The following CAMKMT variants were observed in gnomAD, a reference collection of about 807,000 sequenced individuals.
CAMKMT encodes calmodulin-lysine N-methyltransferase, also known as CaM KMT.
Under a neutral mutation model 48.0 loss-of-function variants are expected in CAMKMT, and 53 were observed. That is an observed-to-expected ratio of 1.10 (90% confidence interval 0.89 to 1.39). The LOEUF (loss-of-function observed/expected upper bound fraction) is 1.39. Ranked by LOEUF, CAMKMT falls within the 40% of genes most tolerant of loss-of-function variation. The pLI is 0.00. For synonymous variants in CAMKMT, 165 were observed against 152.3 expected, an observed-to-expected ratio of 1.08 and a Z score of -0.61; for missense variants, 428 against 402.7, an observed-to-expected ratio of 1.06 and a Z score of -0.54.
At chr2:44,749,375 AAC>A (rs1680059411) in intron 8 of CAMKMT, among the ~76,000 whole-genome samples, 1 of 152,170 alleles carries the variant, frequency 6.6e-6, no homozygotes, top group African/African-American at 2.4e-5. Context: ...CATTGAAACT[AAC>A]ACCCTACATA....
At chr2:44,754,429 T>G (rs1680282625) in intron 9 of CAMKMT, among the ~76,000 whole-genome samples, 1 of 152,238 alleles carries the variant, frequency 6.6e-6, no homozygotes, top group African/African-American at 2.4e-5. Flanking sequence ...TATCTTCATA[T>G]TAAAGTTGAA....
intron 3 of CAMKMT, among the ~76,000 whole-genome samples, chr2:44,612,123 C>A (rs766667641): frequency 3.3e-5 from 5 of 152,028 alleles, no homozygotes; most frequent in African/African-American, 4.8e-5. Context: ...ATTTTAAAAG[C>A]CTTTTACTTA....
At chr2:44,418,311 A>T (rs1471617691) in intron 3 of CAMKMT, among the ~76,000 whole-genome samples, 2 of 147,534 alleles carry the variant, frequency 1.4e-5, no homozygotes, top group South Asian at 2.1e-4. Context: ...AAATCTATGA[A>T]TTTTTTTTTT....
chr2:44,395,441 ATATT>A (rs747662621), intron 3 of CAMKMT, among the ~76,000 whole-genome samples: 46 of 152,144 alleles, frequency 3.0e-4, no homozygotes, highest in Non-Finnish European at 6.0e-4. Flanking sequence ...TTGTATATCT[ATATT>A]TATATACAGA....
intron 3 of CAMKMT, among the ~76,000 whole-genome samples, chr2:44,623,841 G>C (rs973601240): frequency 3.3e-5 from 5 of 152,034 alleles, no homozygotes; most frequent in Admixed American, 1.3e-4. Flanking sequence ...TCCATGTATT[G>C]TCACTATAGT....
At chr2:44,485,160 G>GA (rs1669155645) in intron 3 of CAMKMT, among the ~76,000 whole-genome samples, 1 of 152,164 alleles carries the variant, frequency 6.6e-6, no homozygotes, top group Admixed American at 6.5e-5. Flanking sequence ...TGTTAAAGCT[G>GA]AAAGTATATG....
At chr2:44,571,392 G>A (rs951123219) in intron 3 of CAMKMT, among the ~76,000 whole-genome samples, 3 of 152,098 alleles carry the variant, frequency 2.0e-5, no homozygotes, top group Non-Finnish European at 4.4e-5. Flanking sequence ...TTTTATTAAG[G>A]TTTTAATATG....
At chr2:44,477,440 T>A (rs533467943) in intron 3 of CAMKMT, among the ~76,000 whole-genome samples, 87 of 152,312 alleles carry the variant, frequency 5.7e-4, no homozygotes, top group Admixed American at 4.7e-3. Context: ...TAAACCATAT[T>A]TCCCCACCCT....
At chr2:44,496,156 T>A (rs980728728) in intron 3 of CAMKMT, among the ~76,000 whole-genome samples, 1 of 152,236 alleles carries the variant, frequency 6.6e-6, no homozygotes, top group Non-Finnish European at 1.5e-5. Context: ...CTGTCCTTTA[T>A]ATTGACCAAT....
chr2:44,572,893 T>G (rs1322994264), intron 3 of CAMKMT, among the ~76,000 whole-genome samples: 1 of 152,194 alleles, frequency 6.6e-6, no homozygotes, highest in African/African-American at 2.4e-5. Context: ...CGTTTTACAT[T>G]CCCACCAGCA....
intron 3 of CAMKMT, among the ~76,000 whole-genome samples, chr2:44,703,276 C>A (rs922300334): frequency 6.6e-6 from 1 of 152,046 alleles, no homozygotes; most frequent in African/African-American, 2.4e-5. Flanking sequence ...CTACAATTTC[C>A]AAGCATGTTT....
chr2:44,392,975 A>G (rs1392185806), intron 3 of CAMKMT, among the ~76,000 whole-genome samples: 1 of 152,124 alleles, frequency 6.6e-6, no homozygotes, highest in African/African-American at 2.4e-5. Context: ...GCTTCCTAGT[A>G]ATAGAAAAAA....
chr2:44,528,571 C>G (rs1053543030), intron 3 of CAMKMT, among the ~76,000 whole-genome samples: 18 of 152,136 alleles, frequency 1.2e-4, no homozygotes, highest in African/African-American at 4.3e-4. Context: ...TTAATACCAC[C>G]AGATTGGTAA....
At chr2:44,761,915 G>A (rs555054583) in intron 9 of CAMKMT, among the ~76,000 whole-genome samples, 2 of 152,338 alleles carry the variant, frequency 1.3e-5, no homozygotes, top group South Asian at 4.1e-4. Flanking sequence ...CACATGCAGA[G>A]ATGTAGTAGG....
chr2:44,456,690 C>T (rs1318747487), intron 3 of CAMKMT: 7 of 1,299,240 alleles, frequency 5.4e-6, no homozygotes. Flanking sequence ...CCAAGGCATC[C>T]TACCTCTGCT....
intron 3 of CAMKMT, among the ~76,000 whole-genome samples, chr2:44,402,573 C>T (rs2104451062): frequency 6.6e-6 from 1 of 151,868 alleles, no homozygotes; most frequent in African/African-American, 2.4e-5. Flanking sequence ...TTCTTGGGCA[C>T]TTTTCAGTTT....
intron 3 of CAMKMT, among the ~76,000 whole-genome samples, chr2:44,567,861 C>A (rs893592426): frequency 6.6e-6 from 1 of 152,090 alleles, no homozygotes; most frequent in Non-Finnish European, 1.5e-5. Context: ...CTCTTTGGAT[C>A]GAGAGTCATT....
intron 3 of CAMKMT, among the ~76,000 whole-genome samples, chr2:44,451,117 A>G (rs1335864382): frequency 6.6e-6 from 1 of 152,122 alleles, no homozygotes; most frequent in Non-Finnish European, 1.5e-5. Context: ...AATAAGTGAA[A>G]AGCACAAAGG....
chr2:44,722,917 G>A (rs1185668207), intron 7 of CAMKMT, among the ~76,000 whole-genome samples: 1 of 152,154 alleles, frequency 6.6e-6, no homozygotes, highest in Non-Finnish European at 1.5e-5. Context: ...TCTTTAACCA[G>A]TGCAGAATAT....
Sources: allele counts gnomAD v4.1 joint callset (sites outside exome capture counted in the v4.1 genomes callset), GRCh38; gene constraint gnomAD v4.1.1; transcripts MANE v1.5; gene names NCBI Gene and HGNC (gene_info 2026-07-23, HGNC 2026-07-21).